Variants in CYFIP1 observed in about 807,000 individuals in gnomAD.
CYFIP1 encodes the protein cytoplasmic FMR1-interacting protein 1.
A neutral mutation model predicts 163.5 loss-of-function variants in CYFIP1; 58 were observed. The ratio of observed to expected loss-of-function variants is 0.35; its 90% CI spans 0.29 to 0.44. The LOEUF is 0.44. Ranked by LOEUF, CYFIP1 falls within the 20% of genes least tolerant of loss-of-function variation. The pLI is 1.00. For missense variants in CYFIP1, 1,338 were observed against 1,653.8 expected, an observed-to-expected ratio of 0.81 and a Z score of 3.31; for synonymous variants, 663 against 660.7, an observed-to-expected ratio of 1.00 and a Z score of -0.05.
intron 21 of CYFIP1, among the ~76,000 whole-genome samples, chr15:22,906,402 C>G (rs1178267100): frequency 6.6e-6 from 1 of 151,956 alleles, no homozygotes; most frequent in Non-Finnish European, 1.5e-5. Context: ...GCCACCGTGC[C>G]CAGCCTATTT....
intron 11 of CYFIP1, among the ~76,000 whole-genome samples, chr15:22,930,482 C>G (rs1027800211): frequency 6.6e-5 from 10 of 151,586 alleles, no homozygotes; most frequent in Non-Finnish European, 1.3e-4. Flanking sequence ...CAGATGCCAC[C>G]TAAGGATGCT....
intron 8 of CYFIP1, among the ~76,000 whole-genome samples, chr15:22,937,494 A>C (rs1823545616): frequency 6.6e-6 from 1 of 152,194 alleles, no homozygotes; most frequent in Admixed American, 6.5e-5. Flanking sequence ...AGAGCTACTA[A>C]GCTGGTGCAA....
At chr15:22,891,639 G>A (rs1040671741) in intron 23 of CYFIP1, among the ~76,000 whole-genome samples, 1 of 152,216 alleles carries the variant, frequency 6.6e-6, no homozygotes, top group African/African-American at 2.4e-5. Context: ...GGGCGGGAGA[G>A]ACGGGCAGCG....
rs1164850311 is a variant in CYFIP1 at position 22,918,623 on chromosome 15, T to C, written c.1526+69A>G. The C allele has an allele frequency of 5.8e-6, 8 of 1,372,510 alleles. No individual in the cohort carries two copies. The Admixed American group carries it at 1.8e-4, about 31-fold the overall frequency. The allele number at this position is 1,372,510 out of a possible 1,614,324, so 85.0% of individuals were successfully genotyped here. A position where few individuals can be genotyped will look rare whatever the true frequency, so the allele number is the denominator to read the frequency against. On this transcript the variant is annotated intron_variant, in intron 14 of 30. Transcript: ENST00000617928. Reference sequence around the variant, plus strand: ...ATCATTTTTGAGAATTTAACGCTCCTGTTGTTTGAATCCAAGTTCATCCGA... The same window carrying C: ...ATCATTTTTGAGAATTTAACGCTCCCGTTGTTTGAATCCAAGTTCATCCGA...
intron 1 of CYFIP1, among the ~76,000 whole-genome samples, chr15:22,952,176 A>C (rs983765390): frequency 2.0e-5 from 3 of 152,104 alleles, no homozygotes; most frequent in Non-Finnish European, 2.9e-5. Context: ...TAAATTACCT[A>C]AAGTGGTCAA....
At chr15:22,939,051 G>C (rs2061808968) in intron 8 of CYFIP1, 141 bp downstream of exon 8, 8 of 1,004,058 alleles carry the variant, frequency 8.0e-6, no homozygotes, top group Non-Finnish European at 1.2e-5. Flanking sequence ...CAGGCTGTGT[G>C]CAAGGGCAGG....
rs377162816 is a variant in CYFIP1, at chr15:22,869,741, G to A, written c.*287C>T. ...CTTATGGAATGAATGAATGAACCCA[G>A]CAGCATTTTATGACACAGCTGCCAG... On this transcript the variant is annotated 3_prime_UTR_variant, in exon 31 of 31. Transcript: ENST00000617928. 6.3e-5 allele frequency: 17 copies of A among 269,170 alleles called. No individual in the cohort carries two copies. In the East Asian group the frequency reaches 9.6e-4, roughly 15 times the overall value. 16.7% of individuals were successfully genotyped at this position (269,170 alleles called of 1,614,324 possible).
At chr15:22,950,640 T>C (rs1048071284) in intron 1 of CYFIP1, among the ~76,000 whole-genome samples, 3 of 152,252 alleles carry the variant, frequency 2.0e-5, no homozygotes, top group African/African-American at 7.2e-5. Flanking sequence ...TTTTAAACTG[T>C]GCGCTGTTCT....
intron 25 of CYFIP1, 104 bp downstream of exon 25, chr15:22,881,742 C>A: frequency 9.1e-7 from 1 of 1,094,954 alleles, no homozygotes; most frequent in South Asian, 1.4e-5. Flanking sequence ...TGTCTACTGC[C>A]TCTTCCCACA....
At chr15:22,962,082 T>C (rs1236047915) in intron 1 of CYFIP1, among the ~76,000 whole-genome samples, 1 of 152,136 alleles carries the variant, frequency 6.6e-6, no homozygotes. Context: ...TGAGAAACAG[T>C]GTCAAGGCAG....
At chr15:22,927,820 A>C in intron 12 of CYFIP1, 86 bp downstream of exon 12, 1 of 1,392,366 alleles carries the variant, frequency 7.2e-7, no homozygotes, top group Non-Finnish European at 9.6e-7. Context: ...AGGGCCAAAG[A>C]TAAAAAGCCC....
intron 1 of CYFIP1, among the ~76,000 whole-genome samples, chr15:22,963,531 TAACATAACATAACATAACATAACATAAGA>T (rs1387414396): frequency 4.8e-5 from 7 of 144,704 alleles, no homozygotes; most frequent in East Asian, 2.2e-4. Context: ...TAACATAACA[TAACATAACATAACATAACATAACATAAGA>T]AAGAATGAAA....
intron 13 of CYFIP1, among the ~76,000 whole-genome samples, chr15:22,925,716 C>T (rs564077905): frequency 9.9e-5 from 15 of 152,168 alleles, no homozygotes; most frequent in Non-Finnish European, 1.5e-4. Context: ...TCTTTCACCT[C>T]CCTTCCCCGC....
At chr15:22,916,827 G>T in intron 15 of CYFIP1, 197 bp from the exon 16 acceptor site, 1 of 1,558,016 alleles carries the variant, frequency 6.4e-7, no homozygotes, top group Non-Finnish European at 8.7e-7. Flanking sequence ...ACAACTTGTA[G>T]CGGAGCAGTT....
intron 10 of CYFIP1, among the ~76,000 whole-genome samples, chr15:22,933,463 C>A (rs1013257603): frequency 6.6e-6 from 1 of 151,718 alleles, no homozygotes. Context: ...TACAGGCGCC[C>A]ACCACCACGC....
intron 22 of CYFIP1, among the ~76,000 whole-genome samples, chr15:22,899,651 C>G (rs1410368171): frequency 6.6e-6 from 1 of 152,196 alleles, no homozygotes; most frequent in Non-Finnish European, 1.5e-5. Flanking sequence ...CATTAAACCT[C>G]TTTCTTTTGT....
At chr15:22,975,483 G>C (rs113798375) in intron 1 of CYFIP1, among the ~76,000 whole-genome samples, 1 of 147,760 alleles carries the variant, frequency 6.8e-6, no homozygotes, top group Admixed American at 6.8e-5. Flanking sequence ...GGCCAGGCTC[G>C]GTGGCTAACG....
chr15:22,894,863 T>TATA (rs1183432475), intron 22 of CYFIP1, among the ~76,000 whole-genome samples: 41 of 134,578 alleles, frequency 3.0e-4, no homozygotes, highest in South Asian at 2.4e-3. Context: ...ATTATATATT[T>TATA]TATATATATA....
chr15:22,963,043 T>C (rs533069345), intron 1 of CYFIP1, among the ~76,000 whole-genome samples: 2 of 152,102 alleles, frequency 1.3e-5, no homozygotes, highest in African/African-American at 2.4e-5. Flanking sequence ...ACAGGGCCAG[T>C]AGTGGACAAG....
Sources: allele counts gnomAD v4.1 joint callset (sites outside exome capture counted in the v4.1 genomes callset), GRCh38; gene constraint gnomAD v4.1.1; transcripts MANE v1.5; gene names NCBI Gene and HGNC (gene_info 2026-07-23, HGNC 2026-07-21).